The following NBEA variants were observed in gnomAD, a reference collection of about 807,000 sequenced individuals.
NBEA encodes neurobeachin.
Under a neutral mutation model 343.4 loss-of-function variants are expected in NBEA, and 44 were observed. The ratio of observed to expected loss-of-function variants is 0.13; its 90% CI spans 0.10 to 0.16. NBEA has a LOEUF of 0.16. NBEA is among the 10% of genes least tolerant of loss of function. The probability of loss-of-function intolerance (pLI) is 1.00; values close to 1 mark genes in which losing one functional copy is unlikely to be tolerated. For missense variants in NBEA, 2,555 were observed against 3,631.3 expected (o/e 0.70, Z 7.62); for synonymous variants, 1,175 against 1,238.7 (o/e 0.95, Z 1.08).
chr13:35,111,911 T>C (rs996283903), intron 13 of NBEA, among the ~76,000 whole-genome samples: 38 of 148,652 alleles, frequency 2.6e-4, no homozygotes, highest in African/African-American at 8.6e-4. Flanking sequence ...AATAACACTT[T>C]CCTTTTTTTT....
At chr13:35,220,107 C>T (rs777236915) in intron 33 of NBEA, among the ~76,000 whole-genome samples, 2 of 152,106 alleles carry the variant, frequency 1.3e-5, no homozygotes, top group African/African-American at 4.8e-5. Context: ...CTTGATTTAT[C>T]GAGGTCCTAT....
At chr13:35,552,334 A>G (rs1276173292) in intron 43 of NBEA, among the ~76,000 whole-genome samples, 1 of 152,164 alleles carries the variant, frequency 6.6e-6, no homozygotes, top group Admixed American at 6.5e-5. Flanking sequence ...CAACTTATCT[A>G]TTCTCTTTAA....
chr13:35,148,321 TA>T (rs1324036131), intron 18 of NBEA, among the ~76,000 whole-genome samples: 4 of 152,178 alleles, frequency 2.6e-5, no homozygotes, highest in African/African-American at 9.7e-5. Flanking sequence ...CATAACTCAT[TA>T]AGTAAAGTCC....
chr13:35,019,633 C>T (rs2061766956), intron 1 of NBEA, among the ~76,000 whole-genome samples: 1 of 152,150 alleles, frequency 6.6e-6, no homozygotes, highest in Non-Finnish European at 1.5e-5. Flanking sequence ...TGAAATCATC[C>T]AGATCTGGGG....
chr13:35,097,440 T>C (rs1007561558), intron 10 of NBEA, among the ~76,000 whole-genome samples: 1 of 151,954 alleles, frequency 6.6e-6, no homozygotes, highest in Non-Finnish European at 1.5e-5. Context: ...TAAAATCTGG[T>C]CTATAACAAT....
intron 1 of NBEA, among the ~76,000 whole-genome samples, chr13:35,002,842 G>A (rs1236899096): frequency 1.3e-5 from 2 of 152,134 alleles, no homozygotes; most frequent in Non-Finnish European, 2.9e-5. Flanking sequence ...CCCACAAAAA[G>A]TTGCCGAGAT....
intron 47 of NBEA, among the ~76,000 whole-genome samples, chr13:35,598,610 A>C (rs560618401): frequency 6.6e-6 from 1 of 152,308 alleles, no homozygotes; most frequent in Non-Finnish European, 1.5e-5. Flanking sequence ...AATACTCACA[A>C]ATCCTTTTGG....
intron 33 of NBEA, among the ~76,000 whole-genome samples, chr13:35,216,777 G>A (rs1374257625): frequency 2.6e-5 from 4 of 151,700 alleles, no homozygotes; most frequent in Admixed American, 1.3e-4. Context: ...TCTATGGTAC[G>A]GATGACAGTT....
chr13:35,495,294 C>A (rs1238040598), intron 41 of NBEA, among the ~76,000 whole-genome samples: 17 of 151,738 alleles, frequency 1.1e-4, no homozygotes, highest in Non-Finnish European at 2.1e-4. Flanking sequence ...ACTTTGTAAT[C>A]AAAAAAGATT....
At chr13:35,541,230 A>G (rs1330021590) in intron 41 of NBEA, among the ~76,000 whole-genome samples, 1 of 151,222 alleles carries the variant, frequency 6.6e-6, no homozygotes, top group Non-Finnish European at 1.5e-5. Flanking sequence ...ATACATGTTT[A>G]CATATGTGTT....
chr13:35,441,847 A>AG (rs2045756193), intron 39 of NBEA, among the ~76,000 whole-genome samples: 1 of 147,478 alleles, frequency 6.8e-6, no homozygotes, highest in Non-Finnish European at 1.5e-5. Flanking sequence ...AAAAAAAAAA[A>AG]GAAGACACTG....
intron 40 of NBEA, among the ~76,000 whole-genome samples, chr13:35,455,725 TTAATC>T (rs1416662862): frequency 6.6e-6 from 1 of 152,084 alleles, no homozygotes; most frequent in Non-Finnish European, 1.5e-5. Flanking sequence ...AGTAACCCAT[TTAATC>T]TAAACAACAA....
chr13:35,544,016 A>G (rs953060954), intron 41 of NBEA, among the ~76,000 whole-genome samples: 1 of 152,164 alleles, frequency 6.6e-6, no homozygotes, highest in Non-Finnish European at 1.5e-5. Flanking sequence ...GTGGACCTGA[A>G]ATTTCTTTTG....
chr13:35,423,915 G>A (rs2044469979), intron 38 of NBEA, among the ~76,000 whole-genome samples: 1 of 152,148 alleles, frequency 6.6e-6, no homozygotes, highest in South Asian at 2.1e-4. Context: ...TGAAGCAATT[G>A]TGAATGCGAG....
chr13:35,488,605 C>A (rs955809519), intron 41 of NBEA, among the ~76,000 whole-genome samples: 4 of 151,804 alleles, frequency 2.6e-5, no homozygotes, highest in African/African-American at 9.7e-5. Context: ...TAGGAATCAC[C>A]AACATATTGA....
intron 52 of NBEA, 128 bp from the exon 53 acceptor site, chr13:35,651,677 G>T (rs2084529621): frequency 3.0e-6 from 2 of 676,870 alleles, no homozygotes; most frequent in Admixed American, 4.8e-5. Context: ...CATAGTATCA[G>T]AACAATTTAT....
intron 38 of NBEA, among the ~76,000 whole-genome samples, chr13:35,390,082 A>G (rs2042429515): frequency 6.6e-6 from 1 of 150,980 alleles, no homozygotes; most frequent in South Asian, 2.1e-4. Context: ...TATTTTGAAT[A>G]TTTACATTTT....
At chr13:35,308,558 GTATATATGTA>G (rs879263696) in intron 35 of NBEA, among the ~76,000 whole-genome samples, 1,131 of 106,074 alleles carry the variant, frequency 0.011, 13 homozygotes, top group Middle Eastern at 0.032. Context: ...ATGTATATAT[GTATATATGTA>G]TATATATGTA....
chr13:35,122,490 T>C lies in NBEA; in HGVS notation c.2244-992T>C, dbSNP rs145299638. 2.3e-3 allele frequency among the ~76,000 whole-genome samples: 336 copies of C among 148,366 alleles called. 1 individual carries two copies. Among genetic ancestry groups the C allele is most frequent in the African/African-American group, 7.9e-3 (320 of 40,320 alleles). ...CTAGGACAAAAAACCAAATACCACA[T>C]GTTCTCACTCATAGGTGGGAATTGA... is the stretch of plus-strand genomic sequence containing the variant. On this transcript the variant is annotated intron_variant, in intron 16 of 58. Transcript: ENST00000379939.
Sources: gnomAD v4.1 joint callset for allele counts (sites outside exome capture counted in the v4.1 genomes callset) on GRCh38, gnomAD v4.1.1 for gene constraint, MANE v1.5 for transcripts, NCBI Gene and HGNC (gene_info 2026-07-23, HGNC 2026-07-21) for gene names.